Variants in DOP1B observed in about 807,000 individuals in gnomAD.
The protein encoded by DOP1B is protein DOP1B.
In DOP1B, 174 loss-of-function variants were observed where a neutral mutation model predicts 233.5. That is an observed-to-expected ratio of 0.75 (90% confidence interval 0.66 to 0.85). The LOEUF is 0.85. Among genes scored for constraint, DOP1B ranks in the 40% least tolerant of loss-of-function variants. The pLI is 0.00. For missense variants in DOP1B, 2,652 were observed against 2,846.6 expected (o/e 0.93, Z 1.56); for synonymous variants, 1,190 against 1,185.6 (o/e 1.00, Z -0.08).
intron 13 of DOP1B, 90 bp from the exon 14 acceptor site, chr21:36,230,360 A>G: frequency 2.8e-6 from 4 of 1,430,192 alleles, no homozygotes; most frequent in Non-Finnish European, 3.8e-6. Flanking sequence ...ATTTTGAAAA[A>G]CAGAATTGAA....
At chr21:36,282,948 CAGAG>C (rs972624896) in intron 32 of DOP1B, among the ~76,000 whole-genome samples, 8 of 151,054 alleles carry the variant, frequency 5.3e-5, no homozygotes, top group Non-Finnish European at 7.4e-5. Flanking sequence ...GCCTGGGTGA[CAGAG>C]AGAGACTCCA....
At chr21:36,200,306 C>G in intron 3 of DOP1B, 25 bp from the exon 4 acceptor site, 1 of 1,553,968 alleles carries the variant, frequency 6.4e-7, no homozygotes. Flanking sequence ...ATTTCTGCCC[C>G]GCTCCCTCTC....
At chr21:36,174,235 C>T (rs1225455940) in intron 2 of DOP1B, among the ~76,000 whole-genome samples, 2 of 152,172 alleles carry the variant, frequency 1.3e-5, no homozygotes, top group African/African-American at 2.4e-5. Flanking sequence ...CGTGTGTAGT[C>T]CCAGCACTTT....
Position 36,214,063 on chromosome 21 carries a change from G to A in DOP1B, c.905-18G>A. On this transcript the variant is annotated intron_variant, in intron 7 of 36. Coordinates refer to ENST00000691173, the MANE Select transcript of DOP1B (RefSeq NM_001320714.2). ...AAAGCACAGCTCTCTTTACAGCTCGGCGCTTGTTCTTTTGTAGGCTCAGAC... is the reference window on the plus strand; with the variant it reads ...AAAGCACAGCTCTCTTTACAGCTCGACGCTTGTTCTTTTGTAGGCTCAGAC... 1 of 1,582,464 alleles carries A rather than the reference G, an allele frequency of 6.3e-7. No individual in the cohort carries two copies. The highest frequency in any genetic ancestry group is 2.2e-5 in the East Asian group (1 of 44,724).
In DOP1B at chr21:36,212,007, T is replaced by A; in HGVS notation, c.814T>A (p.Ser272Thr). 6.2e-7 allele frequency: 1 copy of A among 1,614,066 alleles called. No homozygotes were observed. Among genetic ancestry groups the A allele is most frequent in the Non-Finnish European group, 8.5e-7 (1 of 1,179,992 alleles). The change falls in exon 7 of 37, where the codon TCT becomes ACT. Residue 272 changes from serine (S) to threonine (T), a missense_variant. Transcript: ENST00000691173. ...SNERAIPLLR[S>T]DIVRILSAAT... The stretch of plus-strand genomic sequence containing the variant: ...TGAGAGAGCCATCCCCCTCCTCAGA[T>A]CTGACATCGTGCGCATTCTCTCAGC...
chr21:36,208,125 T>A (rs1416534912), intron 4 of DOP1B, among the ~76,000 whole-genome samples: 1 of 152,200 alleles, frequency 6.6e-6, no homozygotes, highest in Admixed American at 6.5e-5. Flanking sequence ...GCAGGTGCTG[T>A]GGGCAGACTG....
chr21:36,174,556 G>A (rs115510593), intron 2 of DOP1B, among the ~76,000 whole-genome samples: 3,733 of 152,290 alleles, frequency 0.025, 77 homozygotes, highest in African/African-American at 0.054. Context: ...TGAGGCTGGA[G>A]TGCAATGGCA....
In DOP1B at chr21:36,159,740, T is replaced by C. The variant is rs559904152; in HGVS notation, c.-27+2797T>C. Among the ~76,000 whole-genome samples, 7 of 152,316 alleles carry C rather than the reference T, an allele frequency of 4.6e-5. No homozygotes were observed. In the South Asian group the frequency reaches 1.5e-3, roughly 32 times the overall value. ...CACCCCACCTTCTAAATACACACCT[T>C]ATCGTCAATACACACCTTATCACAG... On this transcript the variant is annotated intron_variant, in intron 1 of 36. Coordinates refer to ENST00000691173, the MANE Select transcript of DOP1B (RefSeq NM_001320714.2).
intron 32 of DOP1B, among the ~76,000 whole-genome samples, chr21:36,285,426 A>G (rs575925061): frequency 2.0e-5 from 3 of 151,712 alleles, no homozygotes; most frequent in African/African-American, 7.3e-5. Context: ...TTCTAAAAAT[A>G]CTACGTGTTT....
intron 15 of DOP1B, among the ~76,000 whole-genome samples, chr21:36,235,863 C>G (rs1247676508): frequency 8.8e-5 from 10 of 113,092 alleles, no homozygotes; most frequent in African/African-American, 1.7e-4. Flanking sequence ...GCAAGGAAGT[C>G]GGGGGGGGGG....
chr21:36,205,279 C>T (rs148291174), intron 4 of DOP1B, among the ~76,000 whole-genome samples: 38 of 151,784 alleles, frequency 2.5e-4, no homozygotes, highest in African/African-American at 1.4e-4. Context: ...GAAGGAGCTG[C>T]GTTTGCAGGA....
intron 4 of DOP1B, among the ~76,000 whole-genome samples, chr21:36,206,310 C>T (rs2066424692): frequency 6.6e-6 from 1 of 151,722 alleles, no homozygotes; most frequent in Admixed American, 6.6e-5. Context: ...CAGGGTGGAC[C>T]ACTTGAAGCC....
intron 2 of DOP1B, chr21:36,169,377 C>A: frequency 1.2e-6 from 1 of 828,810 alleles, no homozygotes; most frequent in South Asian, 1.3e-5. Flanking sequence ...TTCTGCCCAG[C>A]ACATGCCATG....
intron 2 of DOP1B, among the ~76,000 whole-genome samples, chr21:36,176,103 T>TGTGTGTGTGTGC (rs2066025550): frequency 2.1e-5 from 3 of 141,920 alleles, no homozygotes; most frequent in Non-Finnish European, 3.2e-5. Flanking sequence ...TGTGCGTGTG[T>TGTGTGTGTGTGC]GTGTGTGTGT....
intron 2 of DOP1B, among the ~76,000 whole-genome samples, chr21:36,196,195 A>G (rs1291681064): frequency 6.6e-6 from 1 of 152,270 alleles, no homozygotes; most frequent in Non-Finnish European, 1.5e-5. Context: ...TGGTAGTGTT[A>G]AAAAGAGAAA....
At position 36,200,285 on chromosome 21, in the gene DOP1B, C is replaced by T. The variant is rs117092897; in HGVS notation, c.321-46C>T. The T allele has an allele frequency of 4.0e-3, 6,033 of 1,515,190 alleles. 76 individuals are homozygous for T. The highest frequency in any genetic ancestry group is 0.034 in the East Asian group (1,430 of 42,452). 93.9% of individuals were successfully genotyped at this position (1,515,190 alleles called of 1,614,324 possible). ...CTGGCTTGTCACCTGGGACTTCTGACTGGGTATCTTATTTCTGCCCCGCTC... is the reference window on the plus strand; with the variant it reads ...CTGGCTTGTCACCTGGGACTTCTGATTGGGTATCTTATTTCTGCCCCGCTC... On this transcript the variant is annotated intron_variant, in intron 3 of 36. Transcript: ENST00000691173.
rs754542077 is a variant in DOP1B, at chr21:36,289,202, C to T, written c.6511C>T (p.Gln2171Ter). ...TCCACCTGACAAGATGCCATTATTTCAAATGTAAGTCAGATAGGATCGTGT... is the reference window on the plus strand; with the variant it reads ...TCCACCTGACAAGATGCCATTATTTTAAATGTAAGTCAGATAGGATCGTGT... ...SFPPDKMPLF[Q>*]IYRWAFIPEV... The change falls in exon 35 of 37, where the codon CAA becomes TAA. Residue 2171 changes from glutamine (Q) to a stop codon, truncating the protein, a stop_gained. Transcript: ENST00000691173. LOFTEE classifies it high-confidence loss of function. 1.9e-6 allele frequency: 3 copies of T among 1,613,230 alleles called. No homozygotes were observed. The highest frequency in any genetic ancestry group is 2.5e-6 in the Non-Finnish European group (3 of 1,179,850).
intron 2 of DOP1B, among the ~76,000 whole-genome samples, chr21:36,184,495 T>C (rs1314780895): frequency 6.6e-6 from 1 of 152,144 alleles, no homozygotes. Flanking sequence ...CTGTATACAC[T>C]GTTGCGGCCC....
intron 4 of DOP1B, among the ~76,000 whole-genome samples, chr21:36,201,679 A>G (rs1203581951): frequency 3.3e-5 from 5 of 152,008 alleles, no homozygotes; most frequent in Admixed American, 6.6e-5. Context: ...TCTTCTTTCC[A>G]TTAAACTAGG....
Sources: allele counts gnomAD v4.1 joint callset (sites outside exome capture counted in the v4.1 genomes callset), GRCh38; gene constraint gnomAD v4.1.1; transcripts MANE v1.5; gene names NCBI Gene and HGNC (gene_info 2026-07-23, HGNC 2026-07-21).